OSBPL10: variants seen among roughly 807,000 people sequenced by gnomAD.
OSBPL10 encodes oxysterol-binding protein-related protein 10.
OSBPL10 carries 49 observed loss-of-function variants against 81.7 expected under a neutral mutation model. That is an observed-to-expected ratio of 0.60 (90% CI 0.48 to 0.76). OSBPL10 has a LOEUF of 0.76. Among genes scored for constraint, OSBPL10 ranks in the 30% least tolerant of loss-of-function variants. The pLI is 0.00. For missense variants in OSBPL10, 923 were observed against 987.8 expected (o/e 0.93, Z 0.88); for synonymous variants, 419 against 383.6 (o/e 1.09, Z -1.08).
chr3:31,719,879 G>T (rs1212543682), intron 6 of OSBPL10, among the ~76,000 whole-genome samples: 4 of 151,728 alleles, frequency 2.6e-5, no homozygotes, highest in Non-Finnish European at 5.9e-5. Context: ...CATAAATTAT[G>T]ATATATTCAT....
intron 3 of OSBPL10, among the ~76,000 whole-genome samples, chr3:31,873,140 T>TTA (rs1701374176): frequency 6.6e-6 from 1 of 152,142 alleles, no homozygotes; most frequent in African/African-American, 2.4e-5. Context: ...CGACTCTATA[T>TTA]ATTTGTCAAA....
At chr3:31,932,233 A>C (rs567838627) in intron 1 of OSBPL10, among the ~76,000 whole-genome samples, 24 of 152,200 alleles carry the variant, frequency 1.6e-4, no homozygotes, top group Non-Finnish European at 2.9e-4. Context: ...ATGCTAAAAT[A>C]ATCCATTTCA....
At chr3:31,917,497 A>G (rs61466561) in intron 1 of OSBPL10, among the ~76,000 whole-genome samples, 45,078 of 151,214 alleles carry the variant, frequency 0.3, 7,533 homozygotes, top group African/African-American at 0.43. Flanking sequence ...CCCAGCTGAA[A>G]GACTACAGAC....
chr3:31,798,337 G>A (rs1309924550), intron 4 of OSBPL10, among the ~76,000 whole-genome samples: 1 of 151,998 alleles, frequency 6.6e-6, no homozygotes, highest in Non-Finnish European at 1.5e-5. Flanking sequence ...AGCCGAGGCA[G>A]GAGAATCATT....
At chr3:31,860,159 G>C (rs1701023902) in intron 3 of OSBPL10, among the ~76,000 whole-genome samples, 2 of 150,404 alleles carry the variant, frequency 1.3e-5, no homozygotes, top group Admixed American at 1.3e-4. Context: ...AAAAGGCCTT[G>C]TATTTGAAAA....
At chr3:31,875,170 T>A (rs1181646744) in intron 3 of OSBPL10, among the ~76,000 whole-genome samples, 2 of 151,054 alleles carry the variant, frequency 1.3e-5, no homozygotes, top group African/African-American at 4.9e-5. Context: ...CAGTTATATA[T>A]ACATACACAT....
intron 4 of OSBPL10, among the ~76,000 whole-genome samples, chr3:31,783,146 T>TACACACACACACACACACACACACACAC (rs1553625121): frequency 8.8e-6 from 1 of 113,036 alleles, no homozygotes; most frequent in African/African-American, 3.8e-5. Flanking sequence ...TATATATATA[T>TACACACACACACACACACACACACACAC]ACACACACAC....
chr3:31,769,150 AAAG>A (rs886755091), intron 4 of OSBPL10, among the ~76,000 whole-genome samples: 40 of 152,152 alleles, frequency 2.6e-4, no homozygotes, highest in Non-Finnish European at 4.4e-5. Flanking sequence ...TGAAATAATC[AAAG>A]AACAGACGGC....
chr3:31,861,107 T>C (rs960852978), intron 3 of OSBPL10, among the ~76,000 whole-genome samples: 2 of 152,172 alleles, frequency 1.3e-5, no homozygotes, highest in African/African-American at 4.8e-5. Context: ...ACATAAATTA[T>C]TAGTTTAGAA....
intron 1 of OSBPL10, among the ~76,000 whole-genome samples, chr3:31,951,396 C>G (rs1697865761): frequency 1.3e-5 from 2 of 151,784 alleles, no homozygotes; most frequent in Non-Finnish European, 2.9e-5. Flanking sequence ...TATAAAAATA[C>G]TTTATATTAT....
At chr3:31,991,316 G>A in intron 2 of OSBPL10, 1 of 243,980 alleles carries the variant, frequency 4.1e-6, no homozygotes, top group Non-Finnish European at 8.5e-6. Flanking sequence ...GATTTTTATG[G>A]GTATTGTGTT....
At chr3:32,074,865 G>A (rs1253772698) in intron 1 of OSBPL10, among the ~76,000 whole-genome samples, 1 of 152,090 alleles carries the variant, frequency 6.6e-6, no homozygotes, top group Non-Finnish European at 1.5e-5. Context: ...CCTGACACAA[G>A]GTCTCTTCTT....
chr3:31,989,055 C>T (rs931838805), intron 2 of OSBPL10: 1 of 1,613,128 alleles, frequency 6.2e-7, no homozygotes, highest in Non-Finnish European at 8.5e-7. Flanking sequence ...GGTCACACTG[C>T]AGCACTATTG....
intron 2 of OSBPL10, chr3:32,030,103 T>G (rs1294874669): frequency 1.0e-5 from 2 of 192,518 alleles, no homozygotes; most frequent in South Asian, 2.2e-4. Context: ...AGAGGCTAAA[T>G]TTATGATATC....
intron 3 of OSBPL10, among the ~76,000 whole-genome samples, chr3:31,873,126 TACTCG>T (rs987344585): frequency 3.1e-4 from 46 of 150,264 alleles, no homozygotes; most frequent in African/African-American, 1.1e-3. Context: ...CAGTGGTGGT[TACTCG>T]ACTCTATATA....
At chr3:31,932,553 A>G (rs1697278451) in intron 1 of OSBPL10, among the ~76,000 whole-genome samples, 1 of 152,232 alleles carries the variant, frequency 6.6e-6, no homozygotes, top group African/African-American at 2.4e-5. Context: ...GAAAATCTGT[A>G]AAGTTTTACA....
At chr3:31,977,129 C>G (rs1205189227) in intron 1 of OSBPL10, among the ~76,000 whole-genome samples, 2 of 152,160 alleles carry the variant, frequency 1.3e-5, no homozygotes, top group South Asian at 2.1e-4. Flanking sequence ...ACCCTCCCCA[C>G]AAACACATTC....
intron 1 of OSBPL10, among the ~76,000 whole-genome samples, chr3:31,968,096 T>C (rs866803829): frequency 6.6e-6 from 1 of 152,244 alleles, no homozygotes; most frequent in Non-Finnish European, 1.5e-5. Flanking sequence ...TGCTTTATTA[T>C]TTTTTCTTTC....
chr3:31,692,390 T>C (rs562761601), intron 7 of OSBPL10, among the ~76,000 whole-genome samples: 4 of 152,334 alleles, frequency 2.6e-5, no homozygotes, highest in South Asian at 2.1e-4. Flanking sequence ...GCTCAGATTA[T>C]AGACCCCTAT....
Sources: gnomAD v4.1 joint callset for allele counts (sites outside exome capture counted in the v4.1 genomes callset) on GRCh38, gnomAD v4.1.1 for gene constraint, MANE v1.5 for transcripts, NCBI Gene and HGNC (gene_info 2026-07-23, HGNC 2026-07-21) for gene names.